Variants in PPP1R7 observed in about 807,000 individuals in gnomAD.
PPP1R7 encodes protein phosphatase 1 regulatory subunit 7, also known as protein phosphatase 1 regulatory subunit 22.
PPP1R7 carries 18 observed loss-of-function variants against 45.2 expected under a neutral mutation model. The observed-to-expected ratio is 0.40, with a 90% CI of 0.28 to 0.59. PPP1R7 has a LOEUF of 0.59. PPP1R7 is among the 20% of genes least tolerant of loss of function. The pLI is 0.46. For synonymous variants in PPP1R7, 181 were observed against 183.4 expected (o/e 0.99, Z 0.11); for missense variants, 314 against 455.8 (o/e 0.69, Z 2.83).
In PPP1R7 at chr2:241,157,788, CTT is replaced by C. The variant is rs2067491848; in HGVS notation, c.182-15_182-14del. The C allele has an allele frequency of 2.5e-6, 4 of 1,610,706 alleles. No individual in the cohort carries two copies. In the East Asian group the frequency reaches 8.9e-5, roughly 36 times the overall value. ...TGTTAATGGGGTTCTGAACAAATCT[CTT>C]TTTCTTATTTTTTCAGAAGAACATG... On this transcript the variant is annotated splice_polypyrimidine_tract_variant and intron_variant, in intron 2 of 9. Transcript: ENST00000234038.
At chr2:241,173,541 T>C (rs2067855083) in intron 9 of PPP1R7, among the ~76,000 whole-genome samples, 1 of 152,228 alleles carries the variant, frequency 6.6e-6, no homozygotes, top group Non-Finnish European at 1.5e-5. Flanking sequence ...TAGCGTGCCA[T>C]GGTGTAGTTT....
At chr2:241,165,879 G>A (rs1234727634) in intron 7 of PPP1R7, among the ~76,000 whole-genome samples, 2 of 150,720 alleles carry the variant, frequency 1.3e-5, no homozygotes, top group Non-Finnish European at 2.9e-5. Flanking sequence ...TTACAGGCGT[G>A]AGCCACCGTG....
rs1237976923 is a variant in PPP1R7, at chr2:241,180,495, TA to T, written c.907-2151del. 2.0e-5 allele frequency among the ~76,000 whole-genome samples: 3 copies of T among 152,178 alleles called. No homozygotes were observed. The East Asian group carries it at 5.8e-4, about 29-fold the overall frequency. On this transcript the variant is annotated intron_variant, in intron 9 of 9. Transcript: ENST00000234038. ...TCATTCAAAGCCATCCTAGGCCATT[TA>T]CAGCCTGCAGGCCGTGGGTTGGACA...
intron 9 of PPP1R7, among the ~76,000 whole-genome samples, chr2:241,177,614 A>C (rs1000887607): frequency 2.6e-5 from 4 of 152,360 alleles, no homozygotes; most frequent in Middle Eastern, 3.4e-3. Flanking sequence ...GCGATTCAAT[A>C]GAAAAATAGG....
intron 7 of PPP1R7, among the ~76,000 whole-genome samples, chr2:241,165,998 G>C (rs956602723): frequency 6.6e-5 from 10 of 151,020 alleles, no homozygotes; most frequent in African/African-American, 2.4e-4. Context: ...CGCCTCCCGG[G>C]TTCACGCCGT....
chr2:241,168,733 G>T (rs188011942), intron 8 of PPP1R7, among the ~76,000 whole-genome samples: 3 of 152,192 alleles, frequency 2.0e-5, no homozygotes, highest in Non-Finnish European at 2.9e-5. Context: ...GGTGCTGGGC[G>T]CCAAGGCAGC....
At chr2:241,151,046 G>C (rs557112134) in intron 1 of PPP1R7, among the ~76,000 whole-genome samples, 62 of 152,104 alleles carry the variant, frequency 4.1e-4, no homozygotes, top group Admixed American at 5.9e-4. Flanking sequence ...GGTGATACCT[G>C]TTTTCAAAGC....
chr2:241,160,288 A>T (rs775072124), intron 5 of PPP1R7, 44 bp from the exon 6 acceptor site: 2 of 1,517,652 alleles, frequency 1.3e-6, no homozygotes, highest in Admixed American at 4.0e-5. Flanking sequence ...TATGCAACCT[A>T]TGCTCGTGAA....
chr2:241,156,849 T>A (rs534595850), intron 2 of PPP1R7, among the ~76,000 whole-genome samples: 10 of 152,262 alleles, frequency 6.6e-5, no homozygotes, highest in African/African-American at 2.4e-4. Flanking sequence ...TTAATTTTTT[T>A]AAGTGTTTTG....
Position 241,163,279 on chromosome 2 carries a change from C to A in PPP1R7, c.598-6C>A, listed in dbSNP as rs747754730. ...AGTACTCATTGCTGTTCTGTCCTTTCCACAGGCAATCGAAAATATCGACAC... is the reference window on the plus strand; with the variant it reads ...AGTACTCATTGCTGTTCTGTCCTTTACACAGGCAATCGAAAATATCGACAC... On this transcript the variant is annotated splice_polypyrimidine_tract_variant and splice_region_variant and intron_variant, in intron 6 of 9. Transcript: ENST00000234038. 3 of 1,598,834 alleles carry A rather than the reference C, an allele frequency of 1.9e-6. No individual in the cohort carries two copies. Among genetic ancestry groups the A allele is most frequent in the South Asian group, 1.1e-5 (1 of 90,696 alleles).
In PPP1R7 at chr2:241,166,404, A is replaced by T; in HGVS notation, c.782A>T (p.His261Leu). 1 of 1,614,030 alleles carries T rather than the reference A, an allele frequency of 6.2e-7. No homozygotes were observed. Among genetic ancestry groups the T allele is most frequent in the Non-Finnish European group, 8.5e-7 (1 of 1,179,930 alleles). The part of the protein sequence containing the change: ...LVNLRELYLS[H>L]NGIEVIEGLE... ...AACCTGCGGGAGCTGTACCTTAGCC[A>T]CAATGGCATCGAGGTCATCGAGGGC... The change falls in exon 8 of 10, where the codon CAC (histidine) becomes CTC (leucine). Residue 261 changes from histidine to leucine, a missense_variant. His to Leu is a moderately conservative substitution (Grantham distance 99). Around this residue, in one of 3 missense-constraint regions of PPP1R7, gnomAD observed 168 missense variants for 285.3 expected, o/e 0.59. Transcript: ENST00000234038.
intron 2 of PPP1R7, among the ~76,000 whole-genome samples, chr2:241,157,328 A>G (rs546797320): frequency 6.6e-6 from 1 of 152,340 alleles, no homozygotes; most frequent in South Asian, 2.1e-4. Flanking sequence ...CCCATCCTAG[A>G]GCATCTGATG....
At chr2:241,178,662 C>G (rs1235878915) in intron 9 of PPP1R7, among the ~76,000 whole-genome samples, 2 of 970 alleles carry the variant, frequency 2.1e-3, no homozygotes, top group South Asian at 0.033. Context: ...TGGCTCTGTC[C>G]CCCAGGCTGG....
Position 241,159,195 on chromosome 2 carries a change from C to G in PPP1R7, c.304-18C>G. On this transcript the variant is annotated intron_variant, in intron 4 of 9. Transcript: ENST00000234038. The stretch of plus-strand genomic sequence containing the variant: ...CTCCCCCTTGCCTGTGTCAATTGTC[C>G]CTTTTCCCATCCCCCAGACTCTCTG... The G allele has an allele frequency of 6.2e-7, 1 of 1,611,846 alleles. No homozygotes were observed. The highest frequency in any genetic ancestry group is 8.5e-7 in the Non-Finnish European group (1 of 1,178,680).
intron 5 of PPP1R7, among the ~76,000 whole-genome samples, chr2:241,160,121 C>G (rs2067551145): frequency 6.6e-6 from 1 of 152,190 alleles, no homozygotes; most frequent in Non-Finnish European, 1.5e-5. Context: ...CTCTGGCTTG[C>G]TCCGGGCTCC....
At position 241,169,770 on chromosome 2, in the gene PPP1R7, C is replaced by G. The variant is rs1407765628; in HGVS notation, c.820-11C>G. 1 of 1,595,164 alleles carries G rather than the reference C, an allele frequency of 6.3e-7. No homozygotes were observed. Among genetic ancestry groups the G allele is most frequent in the East Asian group, 2.2e-5 (1 of 44,796 alleles). On this transcript the variant is annotated splice_polypyrimidine_tract_variant and intron_variant, in intron 8 of 9. Coordinates refer to ENST00000234038, the MANE Select transcript of PPP1R7 (RefSeq NM_002712.3). The stretch of plus-strand genomic sequence containing the variant: ...AGGTAATCCAGGAAACATTTTATTT[C>G]CTTCTTTTAGAACAAACTCACGATG...
chr2:241,179,292 A>C (rs2067961598), intron 9 of PPP1R7, among the ~76,000 whole-genome samples: 1 of 152,176 alleles, frequency 6.6e-6, no homozygotes, highest in Admixed American at 6.5e-5. Context: ...AAGGGAAAGC[A>C]TGTTCCCAGA....
At chr2:241,159,394 G>T (rs1299987267) in intron 5 of PPP1R7, 51 bp downstream of exon 5, 1 of 1,596,122 alleles carries the variant, frequency 6.3e-7, no homozygotes, top group African/African-American at 1.3e-5. Context: ...GCCACTGGGT[G>T]GGGGGTGTCC....
chr2:241,154,104 C>G (rs2067387179), intron 2 of PPP1R7, among the ~76,000 whole-genome samples: 1 of 139,946 alleles, frequency 7.1e-6, no homozygotes, highest in Non-Finnish European at 1.5e-5. Context: ...CGCTTGAACC[C>G]AGGAGGTGGA....
Sources: gnomAD v4.1 joint callset for allele counts (sites outside exome capture counted in the v4.1 genomes callset) on GRCh38, gnomAD v4.1.1 for gene constraint, gnomAD v4.1.1 regional missense constraint, MANE v1.5 for transcripts, NCBI Gene and HGNC (gene_info 2026-07-23, HGNC 2026-07-21) for gene names.